The following KCNC2 variants were observed in gnomAD, a reference collection of about 807,000 sequenced individuals.
KCNC2 encodes the protein potassium voltage-gated channel subfamily C member 2.
In KCNC2, 21 loss-of-function variants were observed where a neutral mutation model predicts 44.5. The ratio of observed to expected loss-of-function variants is 0.47; its 90% CI spans 0.33 to 0.68. The LOEUF (loss-of-function observed/expected upper bound fraction) is 0.68. KCNC2 is among the 30% of genes least tolerant of loss of function. KCNC2 has a pLI of 0.01. For missense variants in KCNC2, 589 were observed against 826.2 expected, an observed-to-expected ratio of 0.71 and a Z score of 3.52; for synonymous variants, 391 against 339.1, an observed-to-expected ratio of 1.15 and a Z score of -1.68.
In KCNC2 at chr12:75,111,979, T is replaced by A. The variant is rs184105137; in HGVS notation, c.688-60662A>T. ...AAAAAATGAAGAAAACTCAATAAAA[T>A]TCAATAGGAAAAAATTCAATAAAAA... On this transcript the variant is annotated intron_variant, in intron 2 of 4. Coordinates refer to ENST00000549446, the MANE Select transcript of KCNC2 (RefSeq NM_139137.4). Among the ~76,000 whole-genome samples, 1,389 of 149,116 alleles carry A rather than the reference T, an allele frequency of 9.3e-3. 10 individuals are homozygous for A. Among genetic ancestry groups the A allele is most frequent in the Non-Finnish European group, 0.014 (968 of 67,384 alleles).
intron 2 of KCNC2, among the ~76,000 whole-genome samples, chr12:75,055,488 G>A (rs1881642994): frequency 6.6e-6 from 1 of 151,930 alleles, no homozygotes; most frequent in African/African-American, 2.4e-5. Context: ...CCTGTGATAA[G>A]ACCAAAAACT....
Position 75,042,964 on chromosome 12 carries a change from A to T in KCNC2, c.*141T>A. On this transcript the variant is annotated 3_prime_UTR_variant, in exon 5 of 5. Transcript: ENST00000549446. Reference sequence around the variant, plus strand: ...ATTAGCTACCCAAGTGGCATTTCTGACTTCAAATTGTAGTATCATGCAAGA... The same window carrying T: ...ATTAGCTACCCAAGTGGCATTTCTGTCTTCAAATTGTAGTATCATGCAAGA... 7.1e-7 allele frequency: 1 copy of T among 1,414,558 alleles called. No homozygotes were observed. The highest frequency in any genetic ancestry group is 9.2e-7 in the Non-Finnish European group (1 of 1,084,328). The allele number at this position is 1,414,558 out of a possible 1,614,324, so 87.6% of individuals were successfully genotyped here. A position where few individuals can be genotyped will look rare whatever the true frequency, so the allele number is the denominator to read the frequency against.
intron 2 of KCNC2, among the ~76,000 whole-genome samples, chr12:75,119,700 C>G (rs1031460230): frequency 2.6e-5 from 4 of 152,178 alleles, no homozygotes; most frequent in Non-Finnish European, 1.5e-5. Context: ...TGTGCACCAA[C>G]TCTGCTCCTT....
chr12:75,160,633 TA>T (rs1333447761), intron 2 of KCNC2, among the ~76,000 whole-genome samples: 3 of 151,844 alleles, frequency 2.0e-5, no homozygotes, highest in Admixed American at 2.0e-4. Context: ...ATCCCATCTG[TA>T]AAAAGATGAA....
intron 2 of KCNC2, among the ~76,000 whole-genome samples, chr12:75,113,815 G>A (rs563835414): frequency 2.0e-5 from 3 of 152,190 alleles, no homozygotes; most frequent in African/African-American, 7.2e-5. Context: ...CAGGGCATTG[G>A]TCTGTCCTTC....
intron 2 of KCNC2, among the ~76,000 whole-genome samples, chr12:75,075,024 T>C (rs1489689729): frequency 6.6e-6 from 1 of 152,154 alleles, no homozygotes; most frequent in Non-Finnish European, 1.5e-5. Context: ...TGTGTTGCAT[T>C]ATCAGATGAA....
At chr12:75,194,648 T>G (rs991624188) in intron 2 of KCNC2, among the ~76,000 whole-genome samples, 4 of 152,154 alleles carry the variant, frequency 2.6e-5, no homozygotes, top group African/African-American at 9.7e-5. Context: ...GGAAGAGGTG[T>G]TTAAAAATAT....
chr12:75,062,781 T>C (rs927907326), intron 2 of KCNC2, among the ~76,000 whole-genome samples: 10 of 152,180 alleles, frequency 6.6e-5, no homozygotes, highest in African/African-American at 2.4e-4. Flanking sequence ...CTATTAAATA[T>C]TTAATGGAGT....
In KCNC2 at chr12:75,183,866, A is replaced by G. The variant is rs1892761729; in HGVS notation, c.687+23431T>C. On this transcript the variant is annotated intron_variant, in intron 2 of 4. Transcript: ENST00000549446. The stretch of plus-strand genomic sequence containing the variant: ...GCTCACCGGGTCCTCCACAATCTCC[A>G]TCTGCCTTTGCCAACTTGCCACTTC... 2.0e-5 allele frequency among the ~76,000 whole-genome samples: 3 copies of G among 152,230 alleles called. No homozygotes were observed. The South Asian group carries it at 6.2e-4, about 32-fold the overall frequency.
At chr12:75,059,945 A>G (rs921900582) in intron 2 of KCNC2, among the ~76,000 whole-genome samples, 2 of 152,142 alleles carry the variant, frequency 1.3e-5, no homozygotes, top group Non-Finnish European at 2.9e-5. Context: ...CACAGCATCA[A>G]TGATAACCCA....
In KCNC2 at chr12:75,050,759, T is replaced by G; in HGVS notation, c.1246A>C (p.Ser416Arg). Residue 416 changes from serine (S) to arginine (R), a missense_variant, in exon 3 of 5, where the codon AGT (serine) becomes CGT (arginine). Around this residue, in one of 7 missense-constraint regions of KCNC2, gnomAD observed 67 missense variants for 237.4 expected, o/e 0.28. Transcript: ENST00000549446. ...VGAQPNDPSA[S>R]EHTQFKNIPI... The stretch of plus-strand genomic sequence containing the variant: ...ATGTTTTTGAACTGTGTGTGCTCAC[T>G]AGCTGAAGGGTCGTTAGGTTGAGCT... 1.2e-6 allele frequency: 2 copies of G among 1,613,506 alleles called. No individual in the cohort carries two copies. The highest frequency in any genetic ancestry group is 1.7e-6 in the Non-Finnish European group (2 of 1,179,844).
intron 2 of KCNC2, among the ~76,000 whole-genome samples, chr12:75,053,309 C>T (rs993891777): frequency 1.3e-5 from 2 of 152,036 alleles, no homozygotes; most frequent in African/African-American, 4.8e-5. Flanking sequence ...TAGACTGAAG[C>T]ATTTCAGGCA....
At position 75,040,942 on chromosome 12, in the gene KCNC2, A is replaced by T. The variant is rs1482839204; in HGVS notation, c.*2163T>A. The stretch of plus-strand genomic sequence containing the variant: ...GCCAAGACTGTTGACCCATGCACAC[A>T]TGTTGGTATTTACAGTTGTTTCATG... On this transcript the variant is annotated 3_prime_UTR_variant, in exon 5 of 5. Coordinates refer to ENST00000549446, the MANE Select transcript of KCNC2 (RefSeq NM_139137.4). 3.3e-6 allele frequency: 2 copies of T among 612,080 alleles called. No homozygotes were observed. The highest frequency in any genetic ancestry group is 5.8e-6 in the Non-Finnish European group (2 of 343,480). 37.9% of individuals were successfully genotyped at this position (612,080 alleles called of 1,614,324 possible).
chr12:75,181,916 C>CTTTTTTTTTTTTTTTTTTTT lies in KCNC2; in HGVS notation c.687+25361_687+25380dup, dbSNP rs61089425. Among the ~76,000 whole-genome samples the CTTTTTTTTTTTTTTTTTTTT allele has an allele frequency of 4.8e-4, 23 of 47,876 alleles. 5 individuals carry two copies. The highest frequency in any genetic ancestry group is 1.1e-3 in the Admixed American group (3 of 2,622). 31.4% of individuals were successfully genotyped at this position (47,876 alleles called of 152,430 possible). Reference sequence around the variant, plus strand: ...AAACATTATTACTATTAATATCTTCCTTTTTTTTTTTTTTTTTTTTTTTTT... The same window carrying CTTTTTTTTTTTTTTTTTTTT: ...AAACATTATTACTATTAATATCTTCCTTTTTTTTTTTTTTTTTTTTTTTTTTTTTTTTTTTTTTTTTTTTT... On this transcript the variant is annotated intron_variant, in intron 2 of 4. Transcript: ENST00000549446.
chr12:75,086,449 G>T (rs1031485798), intron 2 of KCNC2, among the ~76,000 whole-genome samples: 17 of 151,824 alleles, frequency 1.1e-4, no homozygotes, highest in African/African-American at 4.1e-4. Context: ...ATGTTAATTT[G>T]CTTGCTATAT....
intron 2 of KCNC2, among the ~76,000 whole-genome samples, chr12:75,205,531 G>A: frequency 6.6e-6 from 1 of 152,096 alleles, no homozygotes; most frequent in East Asian, 1.9e-4. Context: ...CAAATTTCAT[G>A]GCAATGATAA....
intron 2 of KCNC2, among the ~76,000 whole-genome samples, chr12:75,092,290 A>C (rs1326480074): frequency 1.3e-5 from 2 of 151,692 alleles, no homozygotes; most frequent in African/African-American, 4.8e-5. Flanking sequence ...ATCATGCAGA[A>C]AAATTAAAAT....
At chr12:75,130,846 C>T (rs1888792115) in intron 2 of KCNC2, among the ~76,000 whole-genome samples, 1 of 151,600 alleles carries the variant, frequency 6.6e-6, no homozygotes, top group South Asian at 2.1e-4. Flanking sequence ...GATAGGGAAG[C>T]TCAGATTTAG....
At chr12:75,175,936 C>T (rs1232841552) in intron 2 of KCNC2, among the ~76,000 whole-genome samples, 8 of 152,038 alleles carry the variant, frequency 5.3e-5, no homozygotes, top group Admixed American at 5.3e-4. Flanking sequence ...ATATTTGGAA[C>T]ATACTTATCC....
Sources: gnomAD v4.1 joint callset for allele counts (sites outside exome capture counted in the v4.1 genomes callset) on GRCh38, gnomAD v4.1.1 for gene constraint, gnomAD v4.1.1 regional missense constraint, MANE v1.5 for transcripts, NCBI Gene and HGNC (gene_info 2026-07-23, HGNC 2026-07-21) for gene names.